USP7: variants seen among roughly 807,000 people sequenced by gnomAD.
The protein encoded by USP7 is ubiquitin C-terminal hydrolase 7.
Under a neutral mutation model 162.9 loss-of-function variants are expected in USP7, and 9 were observed. The observed-to-expected ratio is 0.06, with a 90% CI of 0.03 to 0.10. The LOEUF (loss-of-function observed/expected upper bound fraction) is 0.10. Among genes scored for constraint, USP7 ranks in the 10% least tolerant of loss-of-function variants. The pLI, the probability that USP7 is intolerant of heterozygous loss-of-function variation, is 1.00. For synonymous variants in USP7, 562 were observed against 475.9 expected (o/e 1.18, Z -2.35); for missense variants, 715 against 1,373.7 (o/e 0.52, Z 7.58).
chr16:8,953,398 C>T (rs564728093), intron 1 of USP7, among the ~76,000 whole-genome samples: 173 of 152,072 alleles, frequency 1.1e-3, no homozygotes, highest in Non-Finnish European at 2.0e-3. Context: ...CCTCTGTGGA[C>T]ACTACAGGAC....
At chr16:8,906,318 AGTTAGGG>A in intron 13 of USP7, 101 bp downstream of exon 13, 1 of 1,284,746 alleles carries the variant, frequency 7.8e-7, no homozygotes, top group Non-Finnish European at 1.1e-6. Flanking sequence ...TACATAGATC[AGTTAGGG>A]GTCCCTGACA....
chr16:8,947,734 T>C (rs1370297742), intron 1 of USP7, among the ~76,000 whole-genome samples: 1 of 152,132 alleles, frequency 6.6e-6, no homozygotes, highest in Non-Finnish European at 1.5e-5. Context: ...AGGGGTGAAG[T>C]CTTTTAGGAC....
chr16:8,942,491 AC>A (rs1472716916), intron 1 of USP7, among the ~76,000 whole-genome samples: 1 of 152,108 alleles, frequency 6.6e-6, no homozygotes, highest in Non-Finnish European at 1.5e-5. Flanking sequence ...GTACTCTAAA[AC>A]GGGGGCCCTC....
At chr16:8,910,426 CT>C (rs1185011731) in intron 11 of USP7, among the ~76,000 whole-genome samples, 1 of 152,170 alleles carries the variant, frequency 6.6e-6, no homozygotes, top group African/African-American at 2.4e-5. Context: ...AGAAATCCCA[CT>C]TGTGACCAGG....
intron 4 of USP7, 122 bp from the exon 5 acceptor site, chr16:8,920,569 C>A (rs1351001181): frequency 8.7e-5 from 69 of 796,460 alleles, no homozygotes; most frequent in Non-Finnish European, 1.3e-5. Context: ...TAAATACATC[C>A]CAACTTTTTT....
chr16:8,926,064 G>C (rs1212447519), intron 2 of USP7, among the ~76,000 whole-genome samples: 1 of 151,800 alleles, frequency 6.6e-6, no homozygotes, highest in African/African-American at 2.4e-5. Flanking sequence ...TGAGGCAGGA[G>C]AATGGCGTGA....
chr16:8,939,928 A>T (rs1032700557), intron 1 of USP7, among the ~76,000 whole-genome samples: 6 of 152,054 alleles, frequency 3.9e-5, no homozygotes, highest in Non-Finnish European at 8.8e-5. Context: ...TGAAACCCCG[A>T]CTCTACTAAA....
At chr16:8,942,985 C>A (rs1430027551) in intron 1 of USP7, among the ~76,000 whole-genome samples, 2 of 152,136 alleles carry the variant, frequency 1.3e-5, no homozygotes, top group Admixed American at 1.3e-4. Context: ...GCACTGCGGG[C>A]CCTGAGGTCA....
chr16:8,939,182 A>G (rs979434539), intron 1 of USP7, among the ~76,000 whole-genome samples: 1 of 150,982 alleles, frequency 6.6e-6, no homozygotes, highest in Non-Finnish European at 1.5e-5. Flanking sequence ...TTGTGTGTCC[A>G]CTACCACCAC....
At chr16:8,918,607 C>T (rs1227229780) in intron 6 of USP7, among the ~76,000 whole-genome samples, 1 of 152,026 alleles carries the variant, frequency 6.6e-6, no homozygotes, top group African/African-American at 2.4e-5. Context: ...GTCAGGAGTT[C>T]GAGACCAGCC....
rs777564543 is a variant in USP7, at chr16:8,908,442, C to A, written c.1170G>T (p.Glu390Asp). The part of the protein sequence containing the change: ...DAGEHGLQEA[E>D]KGVKFLTLPP... Reference sequence around the variant, plus strand: ...GCAATGTTAGGAATTTCACACCTTTCTCTGCTTCCTAAACATTGAAAAACA... The same window carrying A: ...GCAATGTTAGGAATTTCACACCTTTATCTGCTTCCTAAACATTGAAAAACA... The change falls in exon 12 of 31, where the codon GAG becomes GAT. Residue 390 changes from glutamate to aspartate, a missense_variant. By Grantham distance (45) the Glu-to-Asp change is conservative. Around this residue, in one of 11 missense-constraint regions of USP7, gnomAD observed 31 missense variants for 135.9 expected, o/e 0.23. Transcript: ENST00000344836. The A allele has an allele frequency of 6.2e-7, 1 of 1,610,628 alleles. No individual in the cohort carries two copies. The highest frequency in any genetic ancestry group is 8.5e-7 in the Non-Finnish European group (1 of 1,178,546).
intron 1 of USP7, among the ~76,000 whole-genome samples, chr16:8,955,841 G>GAGTA: frequency 6.6e-6 from 1 of 152,188 alleles, no homozygotes; most frequent in Middle Eastern, 3.4e-3. Context: ...AGGGGCTGTG[G>GAGTA]AGTAGAAAGG....
intron 1 of USP7, among the ~76,000 whole-genome samples, chr16:8,944,945 T>G (rs922693153): frequency 6.6e-6 from 1 of 151,946 alleles, no homozygotes; most frequent in Non-Finnish European, 1.5e-5. Context: ...TCGCCTCTAC[T>G]AAAAATACAA....
intron 1 of USP7, among the ~76,000 whole-genome samples, chr16:8,950,357 A>G (rs1899495278): frequency 6.6e-6 from 1 of 152,222 alleles, no homozygotes; most frequent in Non-Finnish European, 1.5e-5. Flanking sequence ...CAAGATTAAA[A>G]CAGTATTTTA....
intron 1 of USP7, among the ~76,000 whole-genome samples, chr16:8,941,517 G>A (rs1899044814): frequency 6.6e-6 from 1 of 152,240 alleles, no homozygotes. Flanking sequence ...CAACCGACAT[G>A]TCCAGTAACT....
At chr16:8,940,866 TAC>T (rs1899010295) in intron 1 of USP7, among the ~76,000 whole-genome samples, 1 of 152,224 alleles carries the variant, frequency 6.6e-6, no homozygotes, top group East Asian at 1.9e-4. Context: ...ATCACTTATA[TAC>T]AGTGTCCAGA....
intron 16 of USP7, 97 bp downstream of exon 16, chr16:8,903,171 C>A: frequency 1.3e-6 from 2 of 1,494,692 alleles, no homozygotes; most frequent in Non-Finnish European, 9.0e-7. Context: ...CTGGACACAG[C>A]ACCTACCCCC....
intron 2 of USP7, among the ~76,000 whole-genome samples, chr16:8,928,652 G>A (rs1373016420): frequency 1.3e-5 from 2 of 152,162 alleles, no homozygotes; most frequent in African/African-American, 4.8e-5. Flanking sequence ...ATTACATGCT[G>A]GGTCTTTCAA....
intron 1 of USP7, chr16:8,949,588 T>C (rs1442307494): frequency 6.6e-6 from 1 of 152,408 alleles, no homozygotes; most frequent in East Asian, 1.9e-4. Flanking sequence ...TAAGCCTACT[T>C]TAAGGCCCAC....
Sources: gnomAD v4.1 joint callset for allele counts (sites outside exome capture counted in the v4.1 genomes callset) on GRCh38, gnomAD v4.1.1 for gene constraint, gnomAD v4.1.1 regional missense constraint, MANE v1.5 for transcripts, NCBI Gene and HGNC (gene_info 2026-07-23, HGNC 2026-07-21) for gene names.